The following USP48 variants were observed in gnomAD, a reference collection of about 807,000 sequenced individuals.
The protein encoded by USP48 is ubiquitin carboxyl-terminal hydrolase 48.
In USP48, 43 loss-of-function variants were observed where a neutral mutation model predicts 150.7. That is an observed-to-expected ratio of 0.29 (90% CI 0.22 to 0.37). The LOEUF (loss-of-function observed/expected upper bound fraction) is 0.37, where lower values mean the gene tolerates loss of function less well. Among genes scored for constraint, USP48 ranks in the 10% least tolerant of loss-of-function variants. The pLI is 1.00. For missense variants in USP48, 813 were observed against 1,249.6 expected, an observed-to-expected ratio of 0.65 and a Z score of 5.27; for synonymous variants, 396 against 425.9, an observed-to-expected ratio of 0.93 and a Z score of 0.86.
intron 7 of USP48, 21 bp downstream of exon 7, chr1:21,748,117 C>T: frequency 6.2e-7 from 1 of 1,607,240 alleles, no homozygotes. Flanking sequence ...ACAACAAACA[C>T]TAATATTTGC....
chr1:21,728,087 G>A (rs1468964402), intron 11 of USP48: 1 of 985,686 alleles, frequency 1.0e-6, no homozygotes, highest in Non-Finnish European at 1.2e-6. Context: ...GAAATCAGGG[G>A]TCAGCAGAAA....
chr1:21,707,534 T>TA (rs1230390848), intron 15 of USP48, among the ~76,000 whole-genome samples: 2 of 151,982 alleles, frequency 1.3e-5, no homozygotes, highest in South Asian at 2.1e-4. Context: ...CCAGAAGATA[T>TA]AAAAAAATAA....
At chr1:21,756,448 T>C in intron 3 of USP48, 98 bp downstream of exon 3, 1 of 1,389,258 alleles carries the variant, frequency 7.2e-7, no homozygotes, top group African/African-American at 1.6e-5. Flanking sequence ...GCCACTTCAC[T>C]CTGGCTTGGG....
At chr1:21,746,235 C>T (rs1222466139) in intron 8 of USP48, among the ~76,000 whole-genome samples, 1 of 152,194 alleles carries the variant, frequency 6.6e-6, no homozygotes, top group Non-Finnish European at 1.5e-5. Context: ...GGCAGTGGCT[C>T]ACGCCTGTAA....
intron 22 of USP48, among the ~76,000 whole-genome samples, chr1:21,697,531 T>C (rs574365891): frequency 1.4e-3 from 216 of 150,262 alleles, no homozygotes; most frequent in Non-Finnish European, 2.4e-3. Flanking sequence ...GGCTTGGTGG[T>C]GGGCGCCTGT....
intron 2 of USP48, 64 bp from the exon 3 acceptor site, chr1:21,756,766 A>G: frequency 6.3e-7 from 1 of 1,585,078 alleles, no homozygotes; most frequent in South Asian, 1.1e-5. Flanking sequence ...ATTTCTAAGC[A>G]TTATTCTTAA....
chr1:21,743,545 G>C (rs1349527914), intron 8 of USP48, among the ~76,000 whole-genome samples: 1 of 151,944 alleles, frequency 6.6e-6, no homozygotes, highest in Non-Finnish European at 1.5e-5. Flanking sequence ...AATATCCCAG[G>C]AGAAAAAAGA....
In USP48 at chr1:21,687,182, C is replaced by A; in HGVS notation, c.3058+9G>T. On this transcript the variant is annotated intron_variant, in intron 25 of 26. Transcript: ENST00000308271. Reference sequence around the variant, plus strand: ...AATCAGCAGATTCCTAAAACAAATTCATCTTTACCTTGCATGACATCATCC... The same window carrying A: ...AATCAGCAGATTCCTAAAACAAATTAATCTTTACCTTGCATGACATCATCC... The A allele has an allele frequency of 6.2e-7, 1 of 1,611,914 alleles. No homozygotes were observed. Among genetic ancestry groups the A allele is most frequent in the South Asian group, 1.1e-5 (1 of 90,604 alleles).
chr1:21,769,134 CAT>C (rs2097871526), intron 1 of USP48, among the ~76,000 whole-genome samples: 1 of 152,174 alleles, frequency 6.6e-6, no homozygotes. Context: ...TTGCTAAAGT[CAT>C]AGAGATCAAG....
rs182721695 is a variant in USP48, at chr1:21,699,563, G to C, written c.2727+1935C>G. 1.3e-4 allele frequency among the ~76,000 whole-genome samples: 20 copies of C among 151,130 alleles called. No individual in the cohort carries two copies. The East Asian group carries it at 3.9e-3, about 30-fold the overall frequency. The stretch of plus-strand genomic sequence containing the variant: ...GAGTCTCGCTCTGTCACCCAGGCTG[G>C]AGTGCAGTGGCGTGATCTCAGCTCA... On this transcript the variant is annotated intron_variant, in intron 22 of 26. Coordinates refer to ENST00000308271, the MANE Select transcript of USP48 (RefSeq NM_032236.8).
intron 1 of USP48, chr1:21,768,140 GA>G (rs1304211285): frequency 6.6e-6 from 1 of 151,964 alleles, no homozygotes; most frequent in Admixed American, 6.6e-5. Flanking sequence ...CTGGGAGGCA[GA>G]GGTTGCAGTG....
intron 10 of USP48, among the ~76,000 whole-genome samples, chr1:21,729,411 T>C (rs1030386273): frequency 3.3e-5 from 5 of 152,140 alleles, no homozygotes; most frequent in Non-Finnish European, 7.3e-5. Context: ...GTCTAGAATA[T>C]CTATAGATAA....
At chr1:21,778,716 C>G (rs114284720) in intron 1 of USP48, among the ~76,000 whole-genome samples, 3,069 of 151,106 alleles carry the variant, frequency 0.02, 41 homozygotes, top group Middle Eastern at 0.05. Context: ...AGTTCAAGAC[C>G]AGCTTGGGCA....
intron 11 of USP48, among the ~76,000 whole-genome samples, chr1:21,727,023 C>T (rs779047939): frequency 5.3e-5 from 8 of 150,708 alleles, no homozygotes; most frequent in Non-Finnish European, 1.0e-4. Flanking sequence ...AAGTCTAGAA[C>T]AATCACAGCA....
At chr1:21,747,943 T>C (rs1366433147) in intron 7 of USP48, among the ~76,000 whole-genome samples, 195 bp downstream of exon 7, 2 of 152,242 alleles carry the variant, frequency 1.3e-5, no homozygotes, top group Non-Finnish European at 2.9e-5. Flanking sequence ...ATCATTTATA[T>C]ATGGTTGGCT....
intron 14 of USP48, among the ~76,000 whole-genome samples, chr1:21,718,946 T>C (rs995201094): frequency 6.6e-6 from 1 of 152,170 alleles, no homozygotes; most frequent in African/African-American, 2.4e-5. Context: ...TCATGAATTA[T>C]ATAGCACAAT....
At chr1:21,780,434 C>T (rs1232565390) in intron 1 of USP48, among the ~76,000 whole-genome samples, 2 of 152,056 alleles carry the variant, frequency 1.3e-5, no homozygotes, top group South Asian at 2.1e-4. Flanking sequence ...GCTCAGTTTC[C>T]TTTTAGGATA....
chr1:21,731,973 A>G (rs1284363099), intron 9 of USP48, among the ~76,000 whole-genome samples: 2 of 152,210 alleles, frequency 1.3e-5, no homozygotes, highest in African/African-American at 2.4e-5. Flanking sequence ...TCAGATGGCA[A>G]CTATAGCACA....
At chr1:21,735,097 A>C (rs2097765821) in intron 9 of USP48, among the ~76,000 whole-genome samples, 1 of 152,172 alleles carries the variant, frequency 6.6e-6, no homozygotes, top group South Asian at 2.1e-4. Context: ...AAATTTCCTG[A>C]CCCAAGGAAA....
Sources: gnomAD v4.1 joint callset for allele counts (sites outside exome capture counted in the v4.1 genomes callset) on GRCh38, gnomAD v4.1.1 for gene constraint, MANE v1.5 for transcripts, NCBI Gene and HGNC (gene_info 2026-07-23, HGNC 2026-07-21) for gene names.